The following ANO6 variants were observed in gnomAD, a reference collection of about 807,000 sequenced individuals.
The protein encoded by ANO6 is anoctamin 6, also known as anoctamin-6.
Under a neutral mutation model 117.5 loss-of-function variants are expected in ANO6, and 106 were observed. The ratio of observed to expected loss-of-function variants is 0.90; its 90% confidence interval spans 0.77 to 1.06. The LOEUF is 1.06. ANO6 is among the 50% of genes least tolerant of loss of function. ANO6 has a pLI of 0.00. For synonymous variants in ANO6, 367 were observed against 385.1 expected (o/e 0.95, Z 0.55); for missense variants, 955 against 1,121.1 (o/e 0.85, Z 2.12).
intron 2 of ANO6, among the ~76,000 whole-genome samples, chr12:45,303,049 C>T (rs1168835981): frequency 6.6e-6 from 1 of 152,132 alleles, no homozygotes; most frequent in Admixed American, 6.5e-5. Context: ...TTATGGATTG[C>T]CTAGTCAATT....
chr12:45,392,447 A>G (rs1037091607), intron 12 of ANO6, among the ~76,000 whole-genome samples: 3 of 152,212 alleles, frequency 2.0e-5, no homozygotes, highest in Non-Finnish European at 4.4e-5. Flanking sequence ...GGCAGCAGAA[A>G]CTTCTGCAGA....
At chr12:45,397,152 A>C (rs1427268112) in intron 12 of ANO6, among the ~76,000 whole-genome samples, 1 of 152,176 alleles carries the variant, frequency 6.6e-6, no homozygotes, top group Non-Finnish European at 1.5e-5. Flanking sequence ...TTACAAGAAA[A>C]CAACCCCATC....
chr12:45,352,010 G>C (rs949173969), intron 7 of ANO6, among the ~76,000 whole-genome samples: 1 of 152,040 alleles, frequency 6.6e-6, no homozygotes, highest in African/African-American at 2.4e-5. Context: ...CGGGTCGACA[G>C]GACTTGTTTA....
chr12:45,300,500 A>G (rs978752456), intron 1 of ANO6, among the ~76,000 whole-genome samples: 10 of 152,174 alleles, frequency 6.6e-5, no homozygotes, highest in African/African-American at 2.4e-4. Flanking sequence ...TTATAGTTTT[A>G]TACTTATTCC....
intron 1 of ANO6, among the ~76,000 whole-genome samples, chr12:45,280,266 A>C (rs1027640477): frequency 1.3e-5 from 2 of 152,154 alleles, no homozygotes; most frequent in Non-Finnish European, 2.9e-5. Flanking sequence ...TGGAAAGACA[A>C]AGTGGACATG....
chr12:45,390,057 A>C (rs1942400287), intron 11 of ANO6, among the ~76,000 whole-genome samples: 1 of 152,236 alleles, frequency 6.6e-6, no homozygotes, highest in South Asian at 2.1e-4. Flanking sequence ...CATCTAGGAA[A>C]CTTTTTGTCC....
chr12:45,439,669 AG>A, intron 19 of ANO6: 1 of 701,496 alleles, frequency 1.4e-6, no homozygotes, highest in Non-Finnish European at 1.8e-6. Flanking sequence ...TTTTTTTTTG[AG>A]ACAGTATCTC....
intron 10 of ANO6, among the ~76,000 whole-genome samples, chr12:45,387,556 C>T (rs575948349): frequency 6.6e-6 from 1 of 152,186 alleles, no homozygotes; most frequent in Non-Finnish European, 1.5e-5. Flanking sequence ...ACTCACATGT[C>T]TTCTGACCAT....
chr12:45,295,417 G>A (rs1047296936), intron 1 of ANO6, among the ~76,000 whole-genome samples: 1 of 152,226 alleles, frequency 6.6e-6, no homozygotes, highest in Non-Finnish European at 1.5e-5. Flanking sequence ...AATGATGCAG[G>A]AGCAGCGGGG....
intron 19 of ANO6, 104 bp downstream of exon 19, chr12:45,423,166 A>G: frequency 1.2e-6 from 1 of 852,944 alleles, no homozygotes; most frequent in Non-Finnish European, 2.0e-6. Flanking sequence ...CTTTCTTCTT[A>G]TCACTTGCTA....
intron 1 of ANO6, among the ~76,000 whole-genome samples, chr12:45,291,158 G>T (rs183118034): frequency 6.6e-6 from 1 of 152,124 alleles, no homozygotes; most frequent in African/African-American, 2.4e-5. Flanking sequence ...ATTAACCCAC[G>T]TGCAAGAGCT....
intron 1 of ANO6, among the ~76,000 whole-genome samples, chr12:45,252,918 AC>A (rs1270882825): frequency 6.6e-6 from 1 of 152,152 alleles, no homozygotes; most frequent in Non-Finnish European, 1.5e-5. Flanking sequence ...ATTTGTGGAA[AC>A]CTTCACACAA....
intron 19 of ANO6, among the ~76,000 whole-genome samples, chr12:45,424,557 A>C (rs1473154567): frequency 1.3e-5 from 2 of 151,820 alleles, no homozygotes; most frequent in African/African-American, 4.8e-5. Flanking sequence ...GGCTGGTCTC[A>C]AACTCCTGAC....
chr12:45,226,992 T>C (rs923044224), intron 1 of ANO6, among the ~76,000 whole-genome samples: 2 of 146,366 alleles, frequency 1.4e-5, no homozygotes, highest in African/African-American at 2.5e-5. Context: ...TTCTTTTTTT[T>C]TTTTTTTTTT....
intron 1 of ANO6, among the ~76,000 whole-genome samples, chr12:45,255,818 G>GGTTTTTTTTTTTTTTTTTTTTTTTTTTTT (rs749001458): frequency 2.4e-5 from 2 of 81,712 alleles, no homozygotes; most frequent in African/African-American, 9.0e-5. Context: ...CTCCCTGGGT[G>GGTTTTTTTTTTTTTTTTTTTTTTTTTTTT]TTTTTTTTTT....
At chr12:45,373,589 A>C (rs2137528733) in intron 9 of ANO6, among the ~76,000 whole-genome samples, 1 of 152,320 alleles carries the variant, frequency 6.6e-6, no homozygotes, top group African/African-American at 2.4e-5. Flanking sequence ...ATGGAAACTG[A>C]ACAACCTGCT....
intron 1 of ANO6, among the ~76,000 whole-genome samples, chr12:45,267,868 A>G (rs1292797480): frequency 6.6e-6 from 1 of 152,194 alleles, no homozygotes; most frequent in Non-Finnish European, 1.5e-5. Flanking sequence ...ATAGCCCTCC[A>G]CTTATTTAGT....
At chr12:45,377,615 C>T (rs1459347709) in intron 9 of ANO6, among the ~76,000 whole-genome samples, 1 of 152,180 alleles carries the variant, frequency 6.6e-6, no homozygotes, top group Non-Finnish European at 1.5e-5. Flanking sequence ...CTGAAACTTA[C>T]CCTCTGACCA....
intron 12 of ANO6, among the ~76,000 whole-genome samples, chr12:45,394,421 C>G (rs1157508735): frequency 2.0e-5 from 3 of 152,002 alleles, no homozygotes; most frequent in Non-Finnish European, 4.4e-5. Context: ...ACCCCACTGT[C>G]AATATTAGAT....
Sources: allele counts gnomAD v4.1 joint callset (sites outside exome capture counted in the v4.1 genomes callset), GRCh38; gene constraint gnomAD v4.1.1; transcripts MANE v1.5; gene names NCBI Gene and HGNC (gene_info 2026-07-23, HGNC 2026-07-21).